The following CALD1 variants were observed in gnomAD, a reference collection of about 807,000 sequenced individuals.
CALD1 encodes caldesmon.
Under a neutral mutation model 99.9 loss-of-function variants are expected in CALD1, and 33 were observed. That is an observed-to-expected ratio of 0.33 (90% CI 0.25 to 0.44). The LOEUF is 0.44. CALD1 is among the 20% of genes least tolerant of loss of function. The pLI is 1.00. For synonymous variants in CALD1, 310 were observed against 325.0 expected (o/e 0.95, Z 0.50); for missense variants, 861 against 962.1 (o/e 0.89, Z 1.39).
chr7:134,806,566 G>A (rs1254297967), intron 1 of CALD1, among the ~76,000 whole-genome samples: 3 of 152,150 alleles, frequency 2.0e-5, no homozygotes, highest in African/African-American at 7.2e-5. Flanking sequence ...GTTTGTAAAT[G>A]TTTTGCTTAT....
intron 1 of CALD1, among the ~76,000 whole-genome samples, chr7:134,837,033 GT>G (rs141345132): frequency 0.016 from 2,315 of 148,172 alleles, 39 homozygotes; most frequent in African/African-American, 0.04. Context: ...GATAAGATCT[GT>G]TTTTTTTTTT....
rs1010260547 is a variant in CALD1 at position 134,921,587 on chromosome 7, G to A, written c.72-7167G>A. Reference sequence around the variant, plus strand: ...AGCACTTTGGGAGGCCGAGGCGGGCGGATCACCTGAGGTCAGGAGTTCGAG... The same window carrying A: ...AGCACTTTGGGAGGCCGAGGCGGGCAGATCACCTGAGGTCAGGAGTTCGAG... On this transcript the variant is annotated intron_variant, in intron 3 of 14. Transcript: ENST00000361675. 7.2e-5 allele frequency among the ~76,000 whole-genome samples: 11 copies of A among 152,272 alleles called. No homozygotes were observed. In the East Asian group the frequency reaches 7.7e-4, roughly 11 times the overall value.
At chr7:134,776,214 T>G (rs1051122701), upstream of CALD1, among the ~76,000 whole-genome samples, 2 of 152,178 alleles carry the variant, frequency 1.3e-5, no homozygotes, top group Non-Finnish European at 2.9e-5. Flanking sequence ...TTGATTATAA[T>G]GGGAATGCTC....
chr7:134,844,664 G>A (rs1041252169), intron 2 of CALD1, among the ~76,000 whole-genome samples: 1 of 152,188 alleles, frequency 6.6e-6, no homozygotes. Context: ...CAGACTGGGT[G>A]GCTTAAACAA....
At chr7:134,837,642 C>T (rs1329678383) in intron 1 of CALD1, among the ~76,000 whole-genome samples, 3 of 152,044 alleles carry the variant, frequency 2.0e-5, no homozygotes, top group Admixed American at 6.6e-5. Context: ...CCAATGCACC[C>T]GGCCAACAAC....
intron 3 of CALD1, among the ~76,000 whole-genome samples, chr7:134,889,345 T>C (rs1586211005): frequency 2.6e-5 from 4 of 152,296 alleles, no homozygotes; most frequent in Admixed American, 2.6e-4. Flanking sequence ...CACCAGTCTG[T>C]CTGCCCACCC....
intron 1 of CALD1, among the ~76,000 whole-genome samples, chr7:134,784,139 A>C (rs146315143): frequency 1.0e-3 from 152 of 152,352 alleles, no homozygotes; most frequent in African/African-American, 3.6e-3. Context: ...TATATGTATA[A>C]ATGATGTATA....
At position 134,831,972 on chromosome 7, in the gene CALD1, G is replaced by A. The variant is rs148485576; in HGVS notation, c.-129-11912G>A. ...CAAGCAGGCACGTGAGTGTTAAAGA[G>A]AGAAGGTCGAGTGTCCCGTATAACC... On this transcript the variant is annotated intron_variant, in intron 1 of 14. Transcript: ENST00000361675. Among the ~76,000 whole-genome samples the A allele has an allele frequency of 3.8e-3, 580 of 152,364 alleles. 2 individuals are homozygous for A. Among genetic ancestry groups the A allele is most frequent in the African/African-American group, 0.013 (551 of 41,582 alleles).
chr7:134,966,268 C>T (rs1279525490), intron 14 of CALD1, among the ~76,000 whole-genome samples: 1 of 152,204 alleles, frequency 6.6e-6, no homozygotes, highest in Admixed American at 6.5e-5. Context: ...ATTACCTTCC[C>T]TTTCCCACTT....
chr7:134,957,469 G>A (rs2133220324), intron 9 of CALD1, among the ~76,000 whole-genome samples: 1 of 152,272 alleles, frequency 6.6e-6, no homozygotes, highest in African/African-American at 2.4e-5. Context: ...ACCCAGGCTG[G>A]AGTGCAGTGG....
At chr7:134,774,694 T>C (rs1312417740), upstream of CALD1, among the ~76,000 whole-genome samples, 2 of 152,222 alleles carry the variant, frequency 1.3e-5, no homozygotes, top group Non-Finnish European at 2.9e-5. Flanking sequence ...TTCTGAGGCT[T>C]GAATCAGCGT....
intron 9 of CALD1, among the ~76,000 whole-genome samples, chr7:134,955,440 A>G (rs1033329220): frequency 1.3e-5 from 2 of 152,208 alleles, no homozygotes; most frequent in Admixed American, 1.3e-4. Context: ...GGTTGCCATA[A>G]CAAAATACCA....
the CALD1 span, among the ~76,000 whole-genome samples, chr7:134,711,658 C>CTATA: frequency 3.7e-4 from 25 of 66,980 alleles, no homozygotes; most frequent in African/African-American, 1.3e-3. Context: ...CTCTCTCTCT[C>CTATA]TCTATATATA....
chr7:134,907,089 T>C (rs538454398), intron 3 of CALD1, among the ~76,000 whole-genome samples: 1 of 152,112 alleles, frequency 6.6e-6, no homozygotes, highest in Non-Finnish European at 1.5e-5. Flanking sequence ...ATGATGAAAG[T>C]GTTCTGTAAA....
chr7:134,844,555 T>C (rs1013720281), intron 2 of CALD1, among the ~76,000 whole-genome samples: 10 of 152,202 alleles, frequency 6.6e-5, no homozygotes, highest in Admixed American at 1.3e-4. Context: ...GGTAGAAAAG[T>C]TCTTCAGGAG....
chr7:134,942,766 T>C (rs1380933009), intron 7 of CALD1, among the ~76,000 whole-genome samples: 1 of 152,230 alleles, frequency 6.6e-6, no homozygotes, highest in Non-Finnish European at 1.5e-5. Flanking sequence ...TCTTTTAAGG[T>C]ATAAGTTTTT....
chr7:134,856,158 C>T (rs979716882), intron 2 of CALD1, among the ~76,000 whole-genome samples: 1 of 152,194 alleles, frequency 6.6e-6, no homozygotes, highest in African/African-American at 2.4e-5. Context: ...TTTGAATCCT[C>T]GAACTGTTGC....
chr7:134,813,093 ATGAGAAT>A (rs551351712), intron 1 of CALD1, among the ~76,000 whole-genome samples: 105 of 152,318 alleles, frequency 6.9e-4, no homozygotes, highest in African/African-American at 2.3e-3. Context: ...ATTAATTAAG[ATGAGAAT>A]TGAGAATTGA....
chr7:134,756,475 TAGTG>T (rs1389325461), intron 1 of CALD1, among the ~76,000 whole-genome samples: 1 of 152,008 alleles, frequency 6.6e-6, no homozygotes, highest in Non-Finnish European at 1.5e-5. Flanking sequence ...CATGATCTAT[TAGTG>T]AGAGTTTGGG....
Sources: allele counts gnomAD v4.1 joint callset (sites outside exome capture counted in the v4.1 genomes callset), GRCh38; gene constraint gnomAD v4.1.1; transcripts MANE v1.5; gene names NCBI Gene and HGNC (gene_info 2026-07-23, HGNC 2026-07-21).